The following ARMH3 variants were observed in gnomAD, a reference collection of about 807,000 sequenced individuals.
ARMH3 encodes the protein armadillo like helical domain containing 3.
In ARMH3, 60 loss-of-function variants were observed where a neutral mutation model predicts 99.1. The observed-to-expected ratio is 0.61, with a 90% CI of 0.49 to 0.75. The LOEUF (loss-of-function observed/expected upper bound fraction) is 0.75, where lower values mean the gene tolerates loss of function less well. Ranked by LOEUF, ARMH3 falls within the 30% of genes least tolerant of loss-of-function variation. ARMH3 has a pLI of 0.00. For synonymous variants in ARMH3, 285 were observed against 292.8 expected (o/e 0.97, Z 0.27); for missense variants, 679 against 843.1 (o/e 0.81, Z 2.41).
chr10:101,871,354 G>A (rs1165744679), intron 24 of ARMH3, among the ~76,000 whole-genome samples: 3 of 152,076 alleles, frequency 2.0e-5, no homozygotes, highest in African/African-American at 4.8e-5. Context: ...AAATGGAAAG[G>A]ACCTAGAATA....
chr10:101,885,095 A>G (rs1037030909), intron 24 of ARMH3, among the ~76,000 whole-genome samples: 2 of 152,198 alleles, frequency 1.3e-5, no homozygotes, highest in African/African-American at 4.8e-5. Flanking sequence ...GCAAATCAAA[A>G]CTACAATGAG....
At chr10:101,951,515 A>G (rs1367556501) in intron 22 of ARMH3, among the ~76,000 whole-genome samples, 4 of 152,118 alleles carry the variant, frequency 2.6e-5, no homozygotes, top group Non-Finnish European at 5.9e-5. Flanking sequence ...CAAAGCTGCA[A>G]TGAGCTGTGA....
chr10:101,917,540 A>C (rs1407934949), intron 23 of ARMH3, among the ~76,000 whole-genome samples: 1 of 152,246 alleles, frequency 6.6e-6, no homozygotes, highest in East Asian at 1.9e-4. Context: ...ACAGTGTATA[A>C]ATAAAGCCAC....
intron 19 of ARMH3, among the ~76,000 whole-genome samples, chr10:101,987,139 C>T (rs1387694902): frequency 6.6e-6 from 1 of 152,096 alleles, no homozygotes; most frequent in African/African-American, 2.4e-5. Context: ...TCAGCCCCAC[C>T]TTCAACTGTT....
At chr10:102,005,604 G>T (rs1256725767) in intron 14 of ARMH3, among the ~76,000 whole-genome samples, 2 of 152,276 alleles carry the variant, frequency 1.3e-5, no homozygotes, top group Admixed American at 1.3e-4. Flanking sequence ...GAGGCAAAAA[G>T]AAAGTATCAA....
intron 20 of ARMH3, among the ~76,000 whole-genome samples, chr10:101,962,296 G>A (rs1467333814): frequency 1.3e-5 from 2 of 152,132 alleles, no homozygotes; most frequent in African/African-American, 4.8e-5. Flanking sequence ...AAATACCAAC[G>A]TGAAGAGACA....
At chr10:102,026,441 TAC>T (rs1157558802) in intron 5 of ARMH3, among the ~76,000 whole-genome samples, 1 of 152,206 alleles carries the variant, frequency 6.6e-6, no homozygotes, top group East Asian at 1.9e-4. Context: ...GATGGAAATA[TAC>T]ACAGAGGAAT....
intron 20 of ARMH3, among the ~76,000 whole-genome samples, chr10:101,973,122 A>AGG (rs1845841598): frequency 6.6e-6 from 1 of 151,938 alleles, no homozygotes; most frequent in Non-Finnish European, 1.5e-5. Flanking sequence ...GCACTTTGGG[A>AGG]GGCCGAGGTG....
At chr10:101,974,687 G>T (rs1161039279) in intron 20 of ARMH3, among the ~76,000 whole-genome samples, 2 of 152,158 alleles carry the variant, frequency 1.3e-5, no homozygotes, top group African/African-American at 2.4e-5. Flanking sequence ...GGCACAGGGG[G>T]AGTGGTACAA....
chr10:102,018,196 G>A lies in ARMH3; in HGVS notation c.670-4172C>T, dbSNP rs531374295. ...CAATGAAGCCCCCGGTCTTCCTTGA[G>A]TGGTCCCCTTCCTTTTCTGTGTATT... On this transcript the variant is annotated intron_variant, in intron 8 of 25. Coordinates refer to ENST00000370033, the MANE Select transcript of ARMH3 (RefSeq NM_024541.3). Among the ~76,000 whole-genome samples, 5 of 152,270 alleles carry A rather than the reference G, an allele frequency of 3.3e-5. No homozygotes were observed. The East Asian group carries it at 9.6e-4, about 29-fold the overall frequency.
rs11455511 is a variant in ARMH3, at chr10:101,963,143, A to ATT, written c.1496-5413_1496-5412dup. 2.7e-3 allele frequency among the ~76,000 whole-genome samples: 300 copies of ATT among 112,212 alleles called. 5 individuals carry two copies. In the East Asian group the frequency reaches 0.027, roughly 10 times the overall value. The allele number at this position is 112,212 out of a possible 152,430, so 73.6% of individuals were successfully genotyped here. A position where few individuals can be genotyped will look rare whatever the true frequency, so the allele number is the denominator to read the frequency against. ...CATCACCATGCCCGGATAATTTTGC[A>ATT]TTTTTTTTTTTTTTTTTGAAACAGA... On this transcript the variant is annotated intron_variant, in intron 20 of 25. Transcript: ENST00000370033.
In ARMH3 at chr10:101,914,829, T is replaced by C. The variant is rs538577667; in HGVS notation, c.1781+25034A>G. Among the ~76,000 whole-genome samples, 8 of 120,192 alleles carry C rather than the reference T, an allele frequency of 6.7e-5. No homozygotes were observed. The East Asian group carries it at 2.2e-3, about 33-fold the overall frequency. The allele number at this position is 120,192 out of a possible 152,430, so 78.9% of individuals were successfully genotyped here. On this transcript the variant is annotated intron_variant, in intron 23 of 25. Transcript: ENST00000370033. ...TGCAGTGAGCCAAGATCACAGCTATTACACTCCAGCCTAGGTGACAGTGAA... is the reference window on the plus strand; with the variant it reads ...TGCAGTGAGCCAAGATCACAGCTATCACACTCCAGCCTAGGTGACAGTGAA...
intron 20 of ARMH3, among the ~76,000 whole-genome samples, chr10:101,963,524 G>A (rs1845400691): frequency 6.6e-6 from 1 of 152,186 alleles, no homozygotes; most frequent in Non-Finnish European, 1.5e-5. Context: ...ACCCGCCTCA[G>A]CCCTACAAAG....
intron 5 of ARMH3, among the ~76,000 whole-genome samples, chr10:102,026,262 T>C (rs777593612): frequency 1.3e-5 from 2 of 152,196 alleles, no homozygotes; most frequent in Non-Finnish European, 2.9e-5. Flanking sequence ...AAGGCCAAGG[T>C]AAGCTGCTTC....
chr10:101,926,612 T>C (rs1349450573), intron 23 of ARMH3, among the ~76,000 whole-genome samples: 1 of 152,160 alleles, frequency 6.6e-6, no homozygotes, highest in Non-Finnish European at 1.5e-5. Flanking sequence ...ACCCTAGATA[T>C]AGAATGGAAA....
At chr10:101,939,198 T>C (rs1444890280) in intron 23 of ARMH3, among the ~76,000 whole-genome samples, 2 of 152,164 alleles carry the variant, frequency 1.3e-5, no homozygotes, top group African/African-American at 4.8e-5. Context: ...GTAATAACTG[T>C]TGAGAAAATG....
At chr10:101,972,612 T>A (rs1330311854) in intron 20 of ARMH3, among the ~76,000 whole-genome samples, 1 of 152,208 alleles carries the variant, frequency 6.6e-6, no homozygotes, top group Non-Finnish European at 1.5e-5. Flanking sequence ...ATTCACAGAA[T>A]GCAATATTAT....
intron 19 of ARMH3, among the ~76,000 whole-genome samples, chr10:101,988,984 T>C (rs575105115): frequency 6.6e-6 from 1 of 151,436 alleles, no homozygotes; most frequent in Non-Finnish European, 1.5e-5. Flanking sequence ...TGAAATCCTT[T>C]ATACCTCCCT....
intron 22 of ARMH3, among the ~76,000 whole-genome samples, chr10:101,942,562 A>G (rs894228983): frequency 2.0e-5 from 3 of 152,182 alleles, no homozygotes; most frequent in African/African-American, 7.2e-5. Context: ...GTGTGCCTTT[A>G]TCAAAAATGT....
Sources: allele counts gnomAD v4.1 joint callset (sites outside exome capture counted in the v4.1 genomes callset), GRCh38; gene constraint gnomAD v4.1.1; transcripts MANE v1.5; gene names NCBI Gene and HGNC (gene_info 2026-07-23, HGNC 2026-07-21).